Variants in TRHDE observed in about 807,000 individuals in gnomAD.
The protein encoded by TRHDE is thyrotropin-releasing hormone-degrading ectoenzyme.
TRHDE carries 72 observed loss-of-function variants against 125.7 expected under a neutral mutation model. The ratio of observed to expected loss-of-function variants is 0.57; its 90% confidence interval spans 0.47 to 0.70. TRHDE has a LOEUF of 0.70. TRHDE is among the 30% of genes least tolerant of loss of function. TRHDE has a pLI of 0.00. For synonymous variants in TRHDE, 509 were observed against 509.1 expected (o/e 1.00, Z 0.00); for missense variants, 1,110 against 1,327.1 (o/e 0.84, Z 2.54).
At chr12:72,265,504 C>T (rs2139397604) in intron 2 of TRHDE, among the ~76,000 whole-genome samples, 1 of 151,728 alleles carries the variant, frequency 6.6e-6, no homozygotes, top group Admixed American at 6.6e-5. Flanking sequence ...AATTTTCTAG[C>T]AAACATCTCT....
intron 2 of TRHDE, among the ~76,000 whole-genome samples, chr12:72,374,529 G>A (rs912766813): frequency 2.0e-5 from 3 of 152,104 alleles, no homozygotes; most frequent in African/African-American, 7.2e-5. Flanking sequence ...GAAAAGTAAA[G>A]AGATCAATGT....
chr12:72,493,067 C>G (rs922344585), intron 5 of TRHDE, among the ~76,000 whole-genome samples: 2 of 151,760 alleles, frequency 1.3e-5, no homozygotes, highest in Admixed American at 1.3e-4. Context: ...CGGAGGACCT[C>G]CTATAGAAGA....
chr12:72,610,242 C>A (rs529301209), intron 12 of TRHDE, among the ~76,000 whole-genome samples: 1 of 152,230 alleles, frequency 6.6e-6, no homozygotes, highest in Admixed American at 6.5e-5. Flanking sequence ...ATAATTTTTT[C>A]TGATATCTTC....
chr12:72,570,312 G>C (rs1036626611), intron 10 of TRHDE, among the ~76,000 whole-genome samples: 1 of 152,094 alleles, frequency 6.6e-6, no homozygotes. Flanking sequence ...TGGGCGCTGT[G>C]GCTCATGCCT....
chr12:72,106,964 G>T (rs935675173), intron 2 of TRHDE, among the ~76,000 whole-genome samples: 6 of 151,902 alleles, frequency 3.9e-5, no homozygotes, highest in African/African-American at 1.5e-4. Flanking sequence ...AGGCCTACAG[G>T]TTGCAACTTG....
chr12:72,540,416 C>A (rs1184622610), intron 6 of TRHDE, among the ~76,000 whole-genome samples: 1 of 151,722 alleles, frequency 6.6e-6, no homozygotes, highest in Non-Finnish European at 1.5e-5. Flanking sequence ...TCTTTATGAT[C>A]AGAAAGCATT....
At position 72,648,527 on chromosome 12, in the gene TRHDE, T is replaced by A. The variant is rs373621121; in HGVS notation, c.2676-3795T>A. Among the ~76,000 whole-genome samples the A allele has an allele frequency of 1.3e-3, 202 of 152,268 alleles. 1 individual carries two copies. The highest frequency in any genetic ancestry group is 6.8e-3 in the Middle Eastern group (2 of 294). ...AGTCTCCACCAAAAACCATTAGAAC[T>A]AATAAGCAAATTCAGTATATTTTCA... On this transcript the variant is annotated intron_variant, in intron 15 of 18. Transcript: ENST00000261180.
chr12:72,213,335 T>C (rs879316755), intron 2 of TRHDE, among the ~76,000 whole-genome samples: 2 of 152,098 alleles, frequency 1.3e-5, no homozygotes, highest in Non-Finnish European at 2.9e-5. Flanking sequence ...AATGGGTAAA[T>C]TATACTGCAA....
intron 3 of TRHDE, among the ~76,000 whole-genome samples, chr12:72,427,571 G>T (rs1036771069): frequency 2.7e-4 from 41 of 152,066 alleles, no homozygotes; most frequent in African/African-American, 9.7e-4. Flanking sequence ...TTAGAGAAAA[G>T]TATCACTACA....
chr12:72,533,184 T>A (rs370263964), intron 6 of TRHDE, among the ~76,000 whole-genome samples: 1 of 152,098 alleles, frequency 6.6e-6, no homozygotes, highest in Non-Finnish European at 1.5e-5. Context: ...TTCTTTTTTT[T>A]TTTGTTTGAG....
intron 10 of TRHDE, among the ~76,000 whole-genome samples, chr12:72,572,155 A>G (rs1158935640): frequency 6.6e-6 from 1 of 152,122 alleles, no homozygotes; most frequent in South Asian, 2.1e-4. Context: ...GAAGACCAGT[A>G]TGTATTATTT....
At chr12:72,410,678 A>G (rs1480038205) in intron 3 of TRHDE, among the ~76,000 whole-genome samples, 1 of 152,120 alleles carries the variant, frequency 6.6e-6, no homozygotes, top group Admixed American at 6.5e-5. Context: ...TCATGACAAA[A>G]CTTAGCAAAT....
At chr12:72,603,534 G>A (rs1191641082) in intron 12 of TRHDE, among the ~76,000 whole-genome samples, 12 of 152,126 alleles carry the variant, frequency 7.9e-5, no homozygotes, top group Non-Finnish European at 1.3e-4. Flanking sequence ...GACCATCCTG[G>A]CTAACATGGT....
intron 1 of TRHDE, among the ~76,000 whole-genome samples, chr12:72,096,789 C>T (rs780756305): frequency 3.3e-5 from 5 of 152,166 alleles, no homozygotes; most frequent in Non-Finnish European, 7.3e-5. Flanking sequence ...GGGATATAGG[C>T]GACTACAGAA....
intron 3 of TRHDE, among the ~76,000 whole-genome samples, chr12:72,419,805 G>T (rs754033197): frequency 1.3e-5 from 2 of 152,132 alleles, no homozygotes; most frequent in African/African-American, 2.4e-5. Flanking sequence ...CTAGCAAATT[G>T]TGGTTACTTA....
chr12:72,303,518 A>C (rs373051860), intron 2 of TRHDE, among the ~76,000 whole-genome samples: 78 of 152,174 alleles, frequency 5.1e-4, no homozygotes, highest in African/African-American at 1.8e-3. Flanking sequence ...TTTTTTTCAA[A>C]ATTCACATTT....
At chr12:72,266,741 T>A (rs1297621299) in intron 2 of TRHDE, among the ~76,000 whole-genome samples, 3 of 152,026 alleles carry the variant, frequency 2.0e-5, no homozygotes, top group African/African-American at 7.2e-5. Flanking sequence ...GGAAGTAGTA[T>A]GACATAAAGG....
At chr12:72,413,464 G>A (rs1003859478) in intron 3 of TRHDE, among the ~76,000 whole-genome samples, 24 of 151,142 alleles carry the variant, frequency 1.6e-4, no homozygotes, top group African/African-American at 5.6e-4. Context: ...GATTATATAT[G>A]TAAAATAAAA....
At chr12:72,591,718 T>C (rs1323577723) in intron 12 of TRHDE, among the ~76,000 whole-genome samples, 1 of 150,372 alleles carries the variant, frequency 6.7e-6, no homozygotes, top group Admixed American at 6.6e-5. Context: ...TGAAGATTTC[T>C]TCATTTTGTT....
Sources: allele counts gnomAD v4.1 joint callset (sites outside exome capture counted in the v4.1 genomes callset), GRCh38; gene constraint gnomAD v4.1.1; transcripts MANE v1.5; gene names NCBI Gene and HGNC (gene_info 2026-07-23, HGNC 2026-07-21).